The following NTSR1 variants were observed in gnomAD, a reference collection of about 807,000 sequenced individuals.
NTSR1 encodes neurotensin receptor type 1.
NTSR1 carries 29 observed loss-of-function variants against 31.2 expected under a neutral mutation model. The ratio of observed to expected loss-of-function variants is 0.93; its 90% CI spans 0.69 to 1.27. The LOEUF (loss-of-function observed/expected upper bound fraction) is 1.27, where lower values mean the gene tolerates loss of function less well. Among genes scored for constraint, NTSR1 ranks in the 50% most tolerant of loss-of-function variants. The pLI is 0.00. For synonymous variants in NTSR1, 282 were observed against 269.9 expected (o/e 1.04, Z -0.44); for missense variants, 697 against 595.4 (o/e 1.17, Z -1.78).
At chr20:62,738,084 C>T (rs540299556) in intron 1 of NTSR1, among the ~76,000 whole-genome samples, 2 of 69,754 alleles carry the variant, frequency 2.9e-5, no homozygotes, top group Non-Finnish European at 4.7e-5. Context: ...CCCTCCTCTG[C>T]CTATGCCAGG....
At position 62,744,706 on chromosome 20, in the gene NTSR1, A is replaced by G. The variant is rs887353199; in HGVS notation, c.715-9979A>G. ...CGCGCCACTGCACTCCAGCCTGGGCAACAAGAGCAAAGCTCAGTCTCACAA... is the reference window on the plus strand; with the variant it reads ...CGCGCCACTGCACTCCAGCCTGGGCGACAAGAGCAAAGCTCAGTCTCACAA... On this transcript the variant is annotated intron_variant, in intron 1 of 3. Coordinates refer to ENST00000370501, the MANE Select transcript of NTSR1 (RefSeq NM_002531.3). The surrounding 1 kb of genome is among the most constrained non-coding windows in gnomAD (Gnocchi z 4.1). Among the ~76,000 whole-genome samples, 3 of 152,072 alleles carry G rather than the reference A, an allele frequency of 2.0e-5. No homozygotes were observed. Among genetic ancestry groups the G allele is most frequent in the Admixed American group, 2.0e-4 (3 of 15,276 alleles).
At chr20:62,748,854 G>C (rs1258415922) in intron 1 of NTSR1, among the ~76,000 whole-genome samples, 1 of 152,128 alleles carries the variant, frequency 6.6e-6, no homozygotes, top group Non-Finnish European at 1.5e-5. Flanking sequence ...GAGAAAGAGA[G>C]ACCTGAGCTA....
rs951739297 is a variant in NTSR1, at chr20:62,758,003, C to T, written c.917-263C>T. Among the ~76,000 whole-genome samples, 2 of 150,572 alleles carry T rather than the reference C, an allele frequency of 1.3e-5. No homozygotes were observed. The highest frequency in any genetic ancestry group is 2.1e-4 in the South Asian group (1 of 4,728). On this transcript the variant is annotated intron_variant, in intron 2 of 3. Coordinates refer to ENST00000370501, the MANE Select transcript of NTSR1 (RefSeq NM_002531.3). The surrounding 1 kb of genome is among the most constrained non-coding windows in gnomAD (Gnocchi z 4.5). ...CAGGTGCAGTGGGTCTCTGAGCCCA[C>T]GTCTCTGTGCCTCAGGTGCAGTGGG...
intron 1 of NTSR1, among the ~76,000 whole-genome samples, chr20:62,730,509 A>T (rs1056688755): frequency 6.6e-6 from 1 of 152,174 alleles, no homozygotes; most frequent in African/African-American, 2.4e-5. Context: ...ATTGATGGAC[A>T]TCTTGGTTTT....
chr20:62,734,784 A>T (rs998462903), intron 1 of NTSR1, among the ~76,000 whole-genome samples: 10 of 152,258 alleles, frequency 6.6e-5, no homozygotes, highest in Non-Finnish European at 1.0e-4. Flanking sequence ...TTGCAAGTTG[A>T]TATGATATTT....
rs1210942701 is a variant in NTSR1 at position 62,745,122 on chromosome 20, G to A, written c.715-9563G>A. 6.6e-6 allele frequency among the ~76,000 whole-genome samples: 1 copy of A among 152,134 alleles called. No individual in the cohort carries two copies. The highest frequency in any genetic ancestry group is 2.4e-5 in the African/African-American group (1 of 41,402). ...TGGCCCAGAGCCCAGCTACCCAGCC[G>A]GCTCCAGGGAGGGTGGCCCAGCCAG... On this transcript the variant is annotated intron_variant, in intron 1 of 3. Coordinates refer to ENST00000370501, the MANE Select transcript of NTSR1 (RefSeq NM_002531.3). This position sits in a 1 kb window ranked among gnomAD's most constrained non-coding sequence, Gnocchi z 4.1.
At chr20:62,747,969 G>A (rs1310491098) in intron 1 of NTSR1, among the ~76,000 whole-genome samples, 1 of 152,116 alleles carries the variant, frequency 6.6e-6, no homozygotes, top group Non-Finnish European at 1.5e-5. Context: ...TGAGGTCAGG[G>A]GTTTGAAACC....
At chr20:62,736,853 G>C (rs996873901) in intron 1 of NTSR1, among the ~76,000 whole-genome samples, 2 of 152,252 alleles carry the variant, frequency 1.3e-5, no homozygotes, top group African/African-American at 4.8e-5. Flanking sequence ...GAGGTGACTG[G>C]ATCGTGGGGG....
rs1292086251 is a variant in NTSR1 at position 62,745,675 on chromosome 20, A to G, written c.715-9010A>G. 6.6e-6 allele frequency among the ~76,000 whole-genome samples: 1 copy of G among 152,260 alleles called. No homozygotes were observed. Among genetic ancestry groups the G allele is most frequent in the Non-Finnish European group, 1.5e-5 (1 of 68,032 alleles). On this transcript the variant is annotated intron_variant, in intron 1 of 3. Coordinates refer to ENST00000370501, the MANE Select transcript of NTSR1 (RefSeq NM_002531.3). The surrounding 1 kb of genome is among the most constrained non-coding windows in gnomAD (Gnocchi z 4.1). ...GAAAGATACAAAGACAGACAGAGAC[A>G]CATATTCTGCCTCGCCTCCAAATCC...
At chr20:62,713,835 C>A (rs1445365794) in intron 1 of NTSR1, among the ~76,000 whole-genome samples, 2 of 152,316 alleles carry the variant, frequency 1.3e-5, no homozygotes, top group Admixed American at 1.3e-4. Flanking sequence ...CGTGGTGGCT[C>A]ACACCTGTAA....
At chr20:62,734,032 T>C (rs1600726200) in intron 1 of NTSR1, among the ~76,000 whole-genome samples, 1 of 152,250 alleles carries the variant, frequency 6.6e-6, no homozygotes, top group African/African-American at 2.4e-5. Flanking sequence ...AGCCTGAGGC[T>C]GGGGGAAGCC....
At chr20:62,717,571 C>T (rs1425316359) in intron 1 of NTSR1, among the ~76,000 whole-genome samples, 2 of 152,292 alleles carry the variant, frequency 1.3e-5, no homozygotes, top group Middle Eastern at 3.4e-3. Flanking sequence ...TGACATAAAA[C>T]GCTGGAGACT....
intron 1 of NTSR1, among the ~76,000 whole-genome samples, chr20:62,738,142 G>A (rs781616794): frequency 1.3e-5 from 2 of 152,220 alleles, no homozygotes; most frequent in Non-Finnish European, 2.9e-5. Context: ...AAGGCTCCAC[G>A]AGGCGGGCCT....
chr20:62,754,729 G>A lies in NTSR1; in HGVS notation c.759G>A (p.Ser253=), dbSNP rs749682716. The A allele has an allele frequency of 6.8e-6, 11 of 1,612,682 alleles. No homozygotes were observed. The highest frequency in any genetic ancestry group is 4.0e-5 in the African/African-American group (3 of 74,822). ...MSFIFPMVVI[S]VLNTIIANKL... is the part of the protein sequence containing the mutation. ...TCATATTCCCCATGGTGGTCATCTC[G>A]GTCCTGAACACCATCATCGCCAACA... is the stretch of plus-strand genomic sequence containing the variant. The change falls in exon 2 of 4, where the codon TCG becomes TCA. Residue 253 remains serine, a synonymous_variant. Transcript: ENST00000370501.
rs531664100 is a variant in NTSR1, at chr20:62,740,348, T to C, written c.715-14337T>C. On this transcript the variant is annotated intron_variant, in intron 1 of 3. Transcript: ENST00000370501. ...AAAGGGTTGTGGGGCTCATTCTTAGTCATAGGGTGAGCGGCAGGCAGATCT... is the reference window on the plus strand; with the variant it reads ...AAAGGGTTGTGGGGCTCATTCTTAGCCATAGGGTGAGCGGCAGGCAGATCT... Among the ~76,000 whole-genome samples the C allele has an allele frequency of 2.3e-5, 3 of 132,500 alleles. No individual in the cohort carries two copies. In the East Asian group the frequency reaches 7.4e-4, roughly 33 times the overall value. 86.9% of individuals were successfully genotyped at this position (132,500 alleles called of 152,430 possible).
In NTSR1 at chr20:62,762,553, CG is replaced by C. The variant is rs1989644969; in HGVS notation, c.*2287del. ...CAGACACACCCACGACACCTGATCT[CG>C]TATCACTAGCTTGCGGCCAGGTCAT... On this transcript the variant is annotated 3_prime_UTR_variant, in exon 4 of 4. Transcript: ENST00000370501. The C allele has an allele frequency of 6.6e-6, 1 of 152,142 alleles. No individual in the cohort carries two copies. Among genetic ancestry groups the C allele is most frequent in the Admixed American group, 6.5e-5 (1 of 15,276 alleles). The allele number at this position is 152,142 out of a possible 1,614,324, so 9.4% of individuals were successfully genotyped here. A position where few individuals can be genotyped will look rare whatever the true frequency, so the allele number is the denominator to read the frequency against.
intron 1 of NTSR1, among the ~76,000 whole-genome samples, chr20:62,750,025 A>G (rs1989366111): frequency 6.6e-6 from 1 of 152,212 alleles, no homozygotes; most frequent in African/African-American, 2.4e-5. Context: ...ACTGTTCACA[A>G]TCGCCAAGAC....
At chr20:62,736,433 G>C (rs1405882200) in intron 1 of NTSR1, among the ~76,000 whole-genome samples, 1 of 152,258 alleles carries the variant, frequency 6.6e-6, no homozygotes, top group Non-Finnish European at 1.5e-5. Flanking sequence ...CTGAGTCCCA[G>C]TTTAGACGCA....
chr20:62,727,215 G>A (rs537792833), intron 1 of NTSR1, among the ~76,000 whole-genome samples: 5 of 152,150 alleles, frequency 3.3e-5, no homozygotes, highest in South Asian at 2.1e-4. Flanking sequence ...ACCCTGAGCC[G>A]GGCTCCTGCA....
Sources: gnomAD v4.1 joint callset for allele counts (sites outside exome capture counted in the v4.1 genomes callset) on GRCh38, gnomAD v4.1.1 for gene constraint, Gnocchi (gnomAD v3.1) non-coding constraint, MANE v1.5 for transcripts, NCBI Gene and HGNC (gene_info 2026-07-23, HGNC 2026-07-21) for gene names.